SOX5: variants seen among roughly 807,000 people sequenced by gnomAD.
SOX5 encodes transcription factor SOX-5.
Under a neutral mutation model 92.0 loss-of-function variants are expected in SOX5, and 9 were observed. The ratio of observed to expected loss-of-function variants is 0.10; its 90% CI spans 0.06 to 0.17. SOX5 has a LOEUF of 0.17. Ranked by LOEUF, SOX5 falls within the 10% of genes least tolerant of loss-of-function variation. The pLI is 1.00. For missense variants in SOX5, 642 were observed against 944.5 expected (o/e 0.68, Z 4.20); for synonymous variants, 344 against 336.3 (o/e 1.02, Z -0.25).
intron 1 of SOX5, among the ~76,000 whole-genome samples, chr12:23,903,903 G>C (rs1453000650): frequency 1.3e-5 from 2 of 152,174 alleles, no homozygotes; most frequent in Non-Finnish European, 1.5e-5. Flanking sequence ...CATTGAGCTT[G>C]AATAGAAAGG....
At chr12:23,547,713 G>T (rs951135637) in intron 11 of SOX5, among the ~76,000 whole-genome samples, 2 of 152,020 alleles carry the variant, frequency 1.3e-5, no homozygotes, top group African/African-American at 2.4e-5. Flanking sequence ...TTTTTAAATT[G>T]TCAATCAGTA....
chr12:23,632,050 T>A lies in SOX5; in HGVS notation c.1017+8762A>T, dbSNP rs796987457. 2.6e-5 allele frequency: 4 copies of A among 152,174 alleles called. No individual in the cohort carries two copies. The South Asian group carries it at 8.3e-4, about 31-fold the overall frequency. The allele number at this position is 152,174 out of a possible 1,614,324, so 9.4% of individuals were successfully genotyped here. A position where few individuals can be genotyped will look rare whatever the true frequency, so the allele number is the denominator to read the frequency against. On this transcript the variant is annotated intron_variant, in intron 8 of 14. Coordinates refer to ENST00000451604, the MANE Select transcript of SOX5 (RefSeq NM_006940.6). ...GTTGGCTGCACTTTTTCAGGCCTATTTGCATATGTTCTTTAGTATGCAAAA... is the reference window on the plus strand; with the variant it reads ...GTTGGCTGCACTTTTTCAGGCCTATATGCATATGTTCTTTAGTATGCAAAA...
chr12:24,540,704 G>A (rs867890535), intron 1 of SOX5, among the ~76,000 whole-genome samples: 4 of 152,266 alleles, frequency 2.6e-5, no homozygotes, highest in Non-Finnish European at 5.9e-5. Flanking sequence ...TTTCCAAAAT[G>A]TTTTGAACAA....
chr12:23,749,736 C>G (rs541047046), intron 4 of SOX5, among the ~76,000 whole-genome samples: 1 of 151,976 alleles, frequency 6.6e-6, no homozygotes, highest in African/African-American at 2.4e-5. Flanking sequence ...CAAAACTATT[C>G]CATCTACTTA....
At chr12:23,897,883 T>C (rs2097193136) in intron 1 of SOX5, among the ~76,000 whole-genome samples, 1 of 152,162 alleles carries the variant, frequency 6.6e-6, no homozygotes. Flanking sequence ...GAAGTAGATT[T>C]GGATACCACA....
At chr12:23,540,952 G>A (rs542419140) in intron 13 of SOX5, among the ~76,000 whole-genome samples, 7 of 152,238 alleles carry the variant, frequency 4.6e-5, no homozygotes, top group South Asian at 2.1e-4. Context: ...TGATCTTGTG[G>A]ATATTTGAAG....
intron 1 of SOX5, among the ~76,000 whole-genome samples, chr12:24,378,758 C>T (rs1957532754): frequency 6.6e-6 from 1 of 152,100 alleles, no homozygotes; most frequent in African/African-American, 2.4e-5. Flanking sequence ...TTTATTGTAG[C>T]CGAAGCATAA....
Position 23,825,064 on chromosome 12 carries a change from C to T in SOX5, c.481+20919G>A, listed in dbSNP as rs552883765. Among the ~76,000 whole-genome samples the T allele has an allele frequency of 9.9e-4, 151 of 152,236 alleles. 1 individual carries two copies. In the Middle Eastern group the frequency reaches 0.01, roughly 10 times the overall value. ...GGATCTGCTGGGCTGGACCACTCGG[C>T]TCCCTAGCTTCAGCCCCCTTTCCAG... On this transcript the variant is annotated intron_variant, in intron 3 of 14. Transcript: ENST00000451604.
At chr12:23,734,491 C>T (rs2093513341) in intron 6 of SOX5, among the ~76,000 whole-genome samples, 193 bp downstream of exon 6, 2 of 152,132 alleles carry the variant, frequency 1.3e-5, no homozygotes, top group Admixed American at 6.5e-5. Flanking sequence ...TAGATTGAAG[C>T]TCCCTGACAC....
At chr12:23,862,693 T>A (rs1294175805) in intron 2 of SOX5, among the ~76,000 whole-genome samples, 1 of 152,204 alleles carries the variant, frequency 6.6e-6, no homozygotes, top group East Asian at 1.9e-4. Context: ...ATTCTTTCAA[T>A]CTGACAAAAA....
At chr12:23,864,713 T>C (rs1278601223) in intron 2 of SOX5, among the ~76,000 whole-genome samples, 1 of 152,116 alleles carries the variant, frequency 6.6e-6, no homozygotes, top group East Asian at 1.9e-4. Flanking sequence ...AGAAGAAAAG[T>C]TGAAAGCTAG....
chr12:23,751,459 T>G (rs757250065), intron 4 of SOX5, among the ~76,000 whole-genome samples: 3 of 151,878 alleles, frequency 2.0e-5, no homozygotes, highest in Non-Finnish European at 2.9e-5. Flanking sequence ...GATCCCTTAC[T>G]AGATTTTTTA....
At chr12:23,741,571 T>A (rs924406185) in intron 4 of SOX5, among the ~76,000 whole-genome samples, 4 of 152,134 alleles carry the variant, frequency 2.6e-5, no homozygotes, top group African/African-American at 9.7e-5. Flanking sequence ...AGTGATATGA[T>A]TCTCCCTTTC....
intron 1 of SOX5, among the ~76,000 whole-genome samples, chr12:24,418,073 T>C (rs1365760241): frequency 6.6e-6 from 1 of 152,194 alleles, no homozygotes; most frequent in Admixed American, 6.5e-5. Context: ...GGATGCTTTA[T>C]ATCATATTGC....
chr12:24,395,236 A>C (rs1959610407), intron 1 of SOX5, among the ~76,000 whole-genome samples: 1 of 151,894 alleles, frequency 6.6e-6, no homozygotes, highest in African/African-American at 2.4e-5. Context: ...AGGATGGAGA[A>C]CACAGATCTA....
At chr12:24,179,340 T>G (rs954993019) in intron 4 of SOX5, among the ~76,000 whole-genome samples, 2 of 152,134 alleles carry the variant, frequency 1.3e-5, no homozygotes, top group Non-Finnish European at 2.9e-5. Context: ...GACTTACAAT[T>G]TTTTTGGCTT....
intron 4 of SOX5, among the ~76,000 whole-genome samples, chr12:24,089,168 T>A (rs570689585): frequency 1.3e-5 from 2 of 152,100 alleles, no homozygotes; most frequent in Non-Finnish European, 2.9e-5. Context: ...ATAAGAGAAA[T>A]ATAATTTCTA....
At chr12:23,783,544 A>G (rs2095322954) in intron 3 of SOX5, among the ~76,000 whole-genome samples, 1 of 152,242 alleles carries the variant, frequency 6.6e-6, no homozygotes, top group Non-Finnish European at 1.5e-5. Context: ...TATATAGCAA[A>G]ACATGAATTC....
At chr12:24,508,326 C>T (rs533938954) in intron 1 of SOX5, among the ~76,000 whole-genome samples, 1 of 151,998 alleles carries the variant, frequency 6.6e-6, no homozygotes, top group East Asian at 1.9e-4. Context: ...TAAAAGAGAA[C>T]AGGAATAAGG....
Sources: allele counts gnomAD v4.1 joint callset (sites outside exome capture counted in the v4.1 genomes callset), GRCh38; gene constraint gnomAD v4.1.1; transcripts MANE v1.5; gene names NCBI Gene and HGNC (gene_info 2026-07-23, HGNC 2026-07-21).